The following NOL4 variants were observed in gnomAD, a reference collection of about 807,000 sequenced individuals.
NOL4 encodes the protein nucleolar protein 4.
In NOL4, 17 loss-of-function variants were observed where a neutral mutation model predicts 75.9. The ratio of observed to expected loss-of-function variants is 0.22; its 90% CI spans 0.15 to 0.34. The LOEUF is 0.34. Ranked by LOEUF, NOL4 falls within the 10% of genes least tolerant of loss-of-function variation. The pLI, the probability that NOL4 is intolerant of heterozygous loss-of-function variation, is 1.00. For synonymous variants in NOL4, 292 were observed against 289.9 expected (o/e 1.01, Z -0.07); for missense variants, 614 against 793.5 (o/e 0.77, Z 2.72).
At chr18:33,938,130 T>C (rs1302184351) in intron 9 of NOL4, among the ~76,000 whole-genome samples, 1 of 152,184 alleles carries the variant, frequency 6.6e-6, no homozygotes, top group African/African-American at 2.4e-5. Context: ...TATAAACTCA[T>C]ATTCTGGCTT....
intron 9 of NOL4, among the ~76,000 whole-genome samples, chr18:33,915,717 A>G (rs1246133453): frequency 6.6e-6 from 1 of 152,178 alleles, no homozygotes; most frequent in Non-Finnish European, 1.5e-5. Flanking sequence ...ATAGCGTAGA[A>G]TATAGCAAAA....
chr18:33,887,174 G>A (rs890207626), intron 9 of NOL4, among the ~76,000 whole-genome samples: 3 of 143,462 alleles, frequency 2.1e-5, no homozygotes, highest in Non-Finnish European at 4.5e-5. Flanking sequence ...ATATATAGAT[G>A]TATCTATTAT....
chr18:34,175,494 G>C (rs564685090), intron 1 of NOL4, among the ~76,000 whole-genome samples: 2 of 152,268 alleles, frequency 1.3e-5, no homozygotes, highest in African/African-American at 4.8e-5. Flanking sequence ...TAGGAATCCA[G>C]ATGACCACAC....
chr18:34,008,401 C>A (rs1357655501), intron 6 of NOL4, among the ~76,000 whole-genome samples: 1 of 151,630 alleles, frequency 6.6e-6, no homozygotes, highest in African/African-American at 2.4e-5. Context: ...ATCTATCTAT[C>A]TATCTATCTA....
chr18:34,209,650 A>G (rs1247621556), intron 1 of NOL4, among the ~76,000 whole-genome samples: 1 of 152,164 alleles, frequency 6.6e-6, no homozygotes, highest in Non-Finnish European at 1.5e-5. Flanking sequence ...TCTGAACTCA[A>G]TCAAAACTCA....
intron 1 of NOL4, 80 bp downstream of exon 1, chr18:34,222,910 C>A: frequency 6.5e-7 from 1 of 1,548,414 alleles, no homozygotes; most frequent in South Asian, 1.2e-5. Context: ...ACGGCTCCCC[C>A]TCTCTCCCGC....
chr18:33,999,502 T>C (rs2073539657), intron 6 of NOL4, among the ~76,000 whole-genome samples: 1 of 152,082 alleles, frequency 6.6e-6, no homozygotes, highest in Non-Finnish European at 1.5e-5. Context: ...TATAGGTCAA[T>C]GTTTATTGGT....
intron 9 of NOL4, among the ~76,000 whole-genome samples, chr18:33,911,820 T>C (rs557883434): frequency 9.2e-5 from 14 of 152,250 alleles, no homozygotes; most frequent in African/African-American, 3.4e-4. Flanking sequence ...GCAGCAGAGA[T>C]GTATAGCTTT....
intron 5 of NOL4, among the ~76,000 whole-genome samples, chr18:34,079,008 A>T (rs992975209): frequency 1.3e-5 from 2 of 152,154 alleles, no homozygotes; most frequent in African/African-American, 4.8e-5. Context: ...TTTCTTTTTA[A>T]TTGAATCTAG....
chr18:34,034,464 C>T (rs1300892910), intron 5 of NOL4, among the ~76,000 whole-genome samples: 3 of 152,274 alleles, frequency 2.0e-5, no homozygotes, highest in Admixed American at 2.0e-4. Context: ...GGAAGCCAGA[C>T]ACGGTGGCTC....
chr18:34,008,227 T>A (rs182199595), intron 6 of NOL4, among the ~76,000 whole-genome samples: 237 of 152,090 alleles, frequency 1.6e-3, no homozygotes, highest in African/African-American at 5.3e-3. Context: ...ATTGGCTCCC[T>A]TGGTTATCAG....
chr18:33,885,996 G>C (rs1416620838), intron 9 of NOL4, among the ~76,000 whole-genome samples: 1 of 152,098 alleles, frequency 6.6e-6, no homozygotes, highest in East Asian at 1.9e-4. Flanking sequence ...CCATAAAAAA[G>C]AATGAGATTC....
chr18:33,930,501 T>C (rs1313618486), intron 9 of NOL4, among the ~76,000 whole-genome samples: 1 of 152,162 alleles, frequency 6.6e-6, no homozygotes, highest in Non-Finnish European at 1.5e-5. Flanking sequence ...AAAAGTCATG[T>C]TGTTTTGGAA....
chr18:34,215,827 A>G (rs1336265457), intron 1 of NOL4, among the ~76,000 whole-genome samples: 2 of 152,164 alleles, frequency 1.3e-5, no homozygotes. Context: ...CTTAACTACT[A>G]ATAGTCTACT....
At chr18:34,057,284 G>C (rs1194599969) in intron 5 of NOL4, among the ~76,000 whole-genome samples, 2 of 152,052 alleles carry the variant, frequency 1.3e-5, no homozygotes, top group East Asian at 3.9e-4. Context: ...TCACACATGT[G>C]CATATGTACA....
At position 33,852,042 on chromosome 18, in the gene NOL4, A is replaced by T. The variant is rs1599622228; in HGVS notation, c.*800T>A. The T allele has an allele frequency of 6.6e-6, 1 of 152,520 alleles. No individual in the cohort carries two copies. The highest frequency in any genetic ancestry group is 3.4e-3 in the Middle Eastern group (1 of 294). The allele number at this position is 152,520 out of a possible 1,614,324, so 9.4% of individuals were successfully genotyped here. A position where few individuals can be genotyped will look rare whatever the true frequency, so the allele number is the denominator to read the frequency against. On this transcript the variant is annotated 3_prime_UTR_variant, in exon 11 of 11. Transcript: ENST00000261592. ...AACATGTCTTGTCATTATTAAAAAA[A>T]AAATTCTGGGATGAAAACTGCTATG...
Position 34,105,137 on chromosome 18 carries a change from T to C in NOL4, c.438A>G (p.Leu146=), listed in dbSNP as rs1362751104. 4 of 1,610,882 alleles carry C rather than the reference T, an allele frequency of 2.5e-6. No individual in the cohort carries two copies. The highest frequency in any genetic ancestry group is 2.2e-5 in the South Asian group (2 of 91,036). The part of the protein sequence containing the change: ...YKAISESYAF[L]PREAVTRFLM... ...GAAATCGTGTCACCGCTTCTCTTGG[T>C]AGGAAGGCATAGCTCTCTGAAATCT... Residue 146 remains leucine (L), a synonymous_variant, in exon 3 of 11, where the codon CTA becomes CTG. Coordinates refer to ENST00000261592, the MANE Select transcript of NOL4 (RefSeq NM_003787.5).
At chr18:34,115,157 A>G (rs956352790) in intron 2 of NOL4, among the ~76,000 whole-genome samples, 19 of 152,138 alleles carry the variant, frequency 1.2e-4, no homozygotes, top group African/African-American at 4.3e-4. Flanking sequence ...TGTAATTAGC[A>G]AGTTTCACAT....
chr18:34,015,578 G>A (rs918341724), intron 6 of NOL4, among the ~76,000 whole-genome samples: 4 of 151,686 alleles, frequency 2.6e-5, no homozygotes, highest in Admixed American at 1.3e-4. Context: ...GATATTCTGC[G>A]AGGTGACATA....
Sources: gnomAD v4.1 joint callset for allele counts (sites outside exome capture counted in the v4.1 genomes callset) on GRCh38, gnomAD v4.1.1 for gene constraint, MANE v1.5 for transcripts, NCBI Gene and HGNC (gene_info 2026-07-23, HGNC 2026-07-21) for gene names.